The following RPS6KA2 variants were observed in gnomAD, a reference collection of about 807,000 sequenced individuals.
The protein encoded by RPS6KA2 is ribosomal protein S6 kinase alpha-2.
RPS6KA2 carries 42 observed loss-of-function variants against 91.8 expected under a neutral mutation model. The observed-to-expected ratio is 0.46, with a 90% CI of 0.36 to 0.59. The LOEUF is 0.59. RPS6KA2 is among the 20% of genes least tolerant of loss of function. RPS6KA2 has a pLI of 0.00. For missense variants in RPS6KA2, 798 were observed against 978.5 expected, an observed-to-expected ratio of 0.82 and a Z score of 2.46; for synonymous variants, 414 against 393.6, an observed-to-expected ratio of 1.05 and a Z score of -0.61.
rs112333748 is a variant in RPS6KA2 at position 166,471,389 on chromosome 6, C to G, written c.908-1484G>C. 7.8e-3 allele frequency among the ~76,000 whole-genome samples: 1,183 copies of G among 152,322 alleles called. 22 individuals carry two copies. The highest frequency in any genetic ancestry group is 0.027 in the African/African-American group (1,140 of 41,574). ...GGAGGCTCGGGGGCTGTGGTGGCCT[C>G]AGAAAGCGCCTCTAGGTGGTCAACG... On this transcript the variant is annotated intron_variant, in intron 10 of 20. Coordinates refer to ENST00000265678, the MANE Select transcript of RPS6KA2 (RefSeq NM_021135.6).
At position 166,825,690 on chromosome 6, in the gene RPS6KA2, T is replaced by G. The variant is rs1414615212; in HGVS notation, c.123+32510A>C. ...ACATAGACAGCAACTTCTCCCTGTGTCCCCGGTGGTGGAAGTGGTGAGGGA... is the reference window on the plus strand; with the variant it reads ...ACATAGACAGCAACTTCTCCCTGTGGCCCCGGTGGTGGAAGTGGTGAGGGA... On this transcript the variant is annotated intron_variant, in intron 2 of 21. Coordinates refer to the RPS6KA2 transcript ENST00000503859. The surrounding 1 kb of genome is among the most constrained non-coding windows in gnomAD (Gnocchi z 4.1). 6.6e-6 allele frequency among the ~76,000 whole-genome samples: 1 copy of G among 152,144 alleles called. No homozygotes were observed. The highest frequency in any genetic ancestry group is 2.4e-5 in the African/African-American group (1 of 41,426).
At chr6:166,582,008 G>A (rs77521121) in intron 1 of RPS6KA2, among the ~76,000 whole-genome samples, 8 of 91,568 alleles carry the variant, frequency 8.7e-5, no homozygotes, top group African/African-American at 1.7e-4. Flanking sequence ...CACAGGGAGA[G>A]GTGAGATGGG....
chr6:166,629,757 C>T (rs4145431), upstream of RPS6KA2, among the ~76,000 whole-genome samples: 42,668 of 152,076 alleles, frequency 0.28, 6,092 homozygotes, highest in East Asian at 0.42. Context: ...GAGTATCTCA[C>T]ATTTCCTCTG....
chr6:166,741,064 C>T (rs1015971292), intron 2 of RPS6KA2, among the ~76,000 whole-genome samples: 7 of 152,222 alleles, frequency 4.6e-5, no homozygotes, highest in Admixed American at 4.6e-4. Context: ...AATGCAGGCG[C>T]TCATCCAAAG....
chr6:166,534,238 A>G (rs1165686072), intron 2 of RPS6KA2, among the ~76,000 whole-genome samples: 1 of 151,210 alleles, frequency 6.6e-6, no homozygotes, highest in Non-Finnish European at 1.5e-5. Flanking sequence ...AAAAAAAAAA[A>G]AAAAAAAAGA....
At chr6:166,776,395 G>A (rs1583105101) in intron 2 of RPS6KA2, among the ~76,000 whole-genome samples, 1 of 152,170 alleles carries the variant, frequency 6.6e-6, no homozygotes. Flanking sequence ...AATCTTCCAG[G>A]TTAGATTTCT....
At chr6:166,552,879 G>A (rs1284844163) in intron 1 of RPS6KA2, among the ~76,000 whole-genome samples, 1 of 152,236 alleles carries the variant, frequency 6.6e-6, no homozygotes, top group Non-Finnish European at 1.5e-5. Context: ...CTGGTCCCTG[G>A]AGGCTAATGT....
At chr6:166,523,382 T>G (rs1247583027) in intron 3 of RPS6KA2, among the ~76,000 whole-genome samples, 1 of 152,182 alleles carries the variant, frequency 6.6e-6, no homozygotes, top group African/African-American at 2.4e-5. Flanking sequence ...AGCTTCTTGC[T>G]GAAGAAATGC....
intron 2 of RPS6KA2, among the ~76,000 whole-genome samples, chr6:166,826,467 C>A (rs1033310590): frequency 6.6e-6 from 1 of 152,214 alleles, no homozygotes; most frequent in Non-Finnish European, 1.5e-5. Context: ...TCATCCACAG[C>A]GCTGCTTGGT....
intron 3 of RPS6KA2, among the ~76,000 whole-genome samples, chr6:166,518,169 C>G (rs1782722989): frequency 6.7e-6 from 1 of 149,390 alleles, no homozygotes; most frequent in Non-Finnish European, 1.5e-5. Context: ...CACCTGCAGC[C>G]CTAGCTACTT....
At chr6:166,513,401 G>A (rs551582977) in intron 3 of RPS6KA2, among the ~76,000 whole-genome samples, 1 of 152,330 alleles carries the variant, frequency 6.6e-6, no homozygotes, top group Non-Finnish European at 1.5e-5. Context: ...GACACAGGAG[G>A]TCCTTCTTCT....
At chr6:166,670,359 AG>A (rs1021295837) in intron 2 of RPS6KA2, among the ~76,000 whole-genome samples, 12 of 152,234 alleles carry the variant, frequency 7.9e-5, no homozygotes, top group Admixed American at 2.0e-4. Flanking sequence ...CCTGCCTGAC[AG>A]CTGGATGTAG....
chr6:166,807,405 T>G (rs1232053333), intron 2 of RPS6KA2, among the ~76,000 whole-genome samples: 4 of 152,108 alleles, frequency 2.6e-5, no homozygotes, highest in Non-Finnish European at 5.9e-5. Context: ...TCCACTTCCC[T>G]AGTGACCTAC....
At chr6:166,787,755 T>C (rs1778970669) in intron 2 of RPS6KA2, among the ~76,000 whole-genome samples, 2 of 152,074 alleles carry the variant, frequency 1.3e-5, no homozygotes, top group African/African-American at 2.4e-5. Context: ...ATTCAGGACA[T>C]GGGCATGCGC....
rs139359036 is a variant in RPS6KA2, at chr6:166,633,152, G to A, written c.124-94368C>T. 6.4e-3 allele frequency among the ~76,000 whole-genome samples: 971 copies of A among 152,256 alleles called. 13 individuals are homozygous for A. Among genetic ancestry groups the A allele is most frequent in the African/African-American group, 0.022 (904 of 41,526 alleles). ...GGACGATCACTTGAACCTGGGAGGC[G>A]GAGACGGCAGTGAGCTGAGATCGTG... is the stretch of plus-strand genomic sequence containing the variant. On this transcript the variant is annotated intron_variant, in intron 2 of 21. Transcript: ENST00000503859.
At chr6:166,579,594 T>A (rs1402732788) in intron 1 of RPS6KA2, among the ~76,000 whole-genome samples, 1 of 152,208 alleles carries the variant, frequency 6.6e-6, no homozygotes, top group Admixed American at 6.5e-5. Flanking sequence ...AAGATGAACA[T>A]CCTACGTCAC....
Position 166,418,479 on chromosome 6 carries a change from C to A in RPS6KA2, c.1821-137G>T. The A allele has an allele frequency of 1.4e-6, 1 of 701,084 alleles. No individual in the cohort carries two copies. The highest frequency in any genetic ancestry group is 2.5e-6 in the Non-Finnish European group (1 of 397,240). 43.4% of individuals were successfully genotyped at this position (701,084 alleles called of 1,614,324 possible). A position where few individuals can be genotyped will look rare whatever the true frequency, so the allele number is the denominator to read the frequency against. On this transcript the variant is annotated intron_variant, in intron 18 of 20. Transcript: ENST00000265678. The surrounding 1 kb of genome is among the most constrained non-coding windows in gnomAD (Gnocchi z 4.9). ...CCTCCTCTGCTCTGAAGCCAGGATTCATGGGAAAGCGGAACTTACCTCTAA... is the reference window on the plus strand; with the variant it reads ...CCTCCTCTGCTCTGAAGCCAGGATTAATGGGAAAGCGGAACTTACCTCTAA...
intron 17 of RPS6KA2, 48 bp from the exon 18 acceptor site, chr6:166,420,006 C>G (rs1050170109): frequency 1.3e-6 from 2 of 1,547,038 alleles, no homozygotes; most frequent in Admixed American, 1.7e-5. Flanking sequence ...TAAGGACATT[C>G]AGATTGACAG....
chr6:166,614,471 T>C (rs1208487118), intron 1 of RPS6KA2, among the ~76,000 whole-genome samples: 1 of 152,242 alleles, frequency 6.6e-6, no homozygotes, highest in East Asian at 1.9e-4. Flanking sequence ...CCCTGGCCCC[T>C]GCCCGTGTCC....
Sources: gnomAD v4.1 joint callset for allele counts (sites outside exome capture counted in the v4.1 genomes callset) on GRCh38, gnomAD v4.1.1 for gene constraint, Gnocchi (gnomAD v3.1) non-coding constraint, MANE v1.5 for transcripts, NCBI Gene and HGNC (gene_info 2026-07-23, HGNC 2026-07-21) for gene names.